The following PRELID2 variants were observed in gnomAD, a reference collection of about 807,000 sequenced individuals.
The protein encoded by PRELID2 is PRELI domain containing 2.
Under a neutral mutation model 28.4 loss-of-function variants are expected in PRELID2, and 25 were observed. That is an observed-to-expected ratio of 0.88 (90% CI 0.64 to 1.23). The LOEUF (loss-of-function observed/expected upper bound fraction) is 1.23, where lower values mean the gene tolerates loss of function less well. Ranked by LOEUF, PRELID2 falls within the 50% of genes most tolerant of loss-of-function variation. The pLI is 0.00. For synonymous variants in PRELID2, 76 were observed against 71.6 expected (o/e 1.06, Z -0.31); for missense variants, 201 against 214.4 (o/e 0.94, Z 0.39).
chr5:145,814,208 T>C (rs2569010), intron 4 of PRELID2, among the ~76,000 whole-genome samples: 111,058 of 152,112 alleles, frequency 0.73, 41,124 homozygotes, highest in Non-Finnish European at 0.81. Context: ...TGTCATTTTA[T>C]ATATCACAGA....
At chr5:145,794,610 C>T (rs2149814905) in intron 5 of PRELID2, among the ~76,000 whole-genome samples, 1 of 152,200 alleles carries the variant, frequency 6.6e-6, no homozygotes, top group East Asian at 1.9e-4. Context: ...AAAGCAGGTA[C>T]TCAATATATA....
chr5:145,635,538 T>A (rs1753988500), intron 1 of PRELID2, among the ~76,000 whole-genome samples: 1 of 152,336 alleles, frequency 6.6e-6, no homozygotes, highest in African/African-American at 2.4e-5. Context: ...GAAACTGAAA[T>A]TTAATTTATG....
chr5:145,414,758 C>T, the PRELID2 span, among the ~76,000 whole-genome samples: 1 of 152,134 alleles, frequency 6.6e-6, no homozygotes, highest in Non-Finnish European at 1.5e-5. Context: ...ATTTCAACCA[C>T]CATATAAGTA....
chr5:145,463,289 G>A, the PRELID2 span, among the ~76,000 whole-genome samples: 1 of 146,090 alleles, frequency 6.8e-6, no homozygotes, highest in African/African-American at 2.5e-5. Context: ...TCTTTTTTAA[G>A]TTTCAAAAGG....
intron 1 of PRELID2, among the ~76,000 whole-genome samples, chr5:145,659,159 G>A (rs1000457767): frequency 6.6e-6 from 1 of 152,116 alleles, no homozygotes; most frequent in African/African-American, 2.4e-5. Context: ...CAGCAAGCTG[G>A]TGCCCATCTC....
chr5:145,796,486 A>T lies in PRELID2; in HGVS notation c.430T>A (p.Leu144Ile). The change falls in exon 5 of 7, where the codon TTA becomes ATA. Residue 144 changes from leucine (L) to isoleucine (I), a missense_variant. Transcript: ENST00000683046. ...ITGVGFLNCV[L>I]ETFASTFLRQ... ...AAGAATGTGCTGGCAAAAGTTTCTA[A>T]AACACAGTTGAGAAATCCAACCCCT... 6.2e-7 allele frequency: 1 copy of T among 1,610,962 alleles called. No homozygotes were observed. The highest frequency in any genetic ancestry group is 8.5e-7 in the Non-Finnish European group (1 of 1,178,094).
chr5:145,638,129 T>G, intron 1 of PRELID2, among the ~76,000 whole-genome samples: 1 of 152,130 alleles, frequency 6.6e-6, no homozygotes, highest in East Asian at 1.9e-4. Flanking sequence ...TTAATATACT[T>G]CACAACTGTC....
chr5:145,639,688 G>C (rs1754064433), intron 1 of PRELID2, among the ~76,000 whole-genome samples: 1 of 152,192 alleles, frequency 6.6e-6, no homozygotes, highest in African/African-American at 2.4e-5. Context: ...TGTTGGGAAA[G>C]TGCGTTGGGT....
chr5:145,678,347 C>T (rs1043947421), intron 1 of PRELID2, among the ~76,000 whole-genome samples: 1 of 152,186 alleles, frequency 6.6e-6, no homozygotes, highest in African/African-American at 2.4e-5. Context: ...TCTTTCCCTC[C>T]TACAAACATC....
At chr5:145,811,480 G>T (rs1397828418) in intron 4 of PRELID2, among the ~76,000 whole-genome samples, 1 of 152,158 alleles carries the variant, frequency 6.6e-6, no homozygotes, top group African/African-American at 2.4e-5. Flanking sequence ...TAGAGACAAA[G>T]TCTTGGTATG....
the PRELID2 span, among the ~76,000 whole-genome samples, chr5:145,447,086 A>AAATAAATAAAT: frequency 2.8e-3 from 193 of 69,572 alleles, no homozygotes; most frequent in Middle Eastern, 7.7e-3. Flanking sequence ...AATAAATAAA[A>AAATAAATAAAT]ATTTAAAAAT....
chr5:145,403,229 T>G, the PRELID2 span, among the ~76,000 whole-genome samples: 1 of 152,112 alleles, frequency 6.6e-6, no homozygotes, highest in Non-Finnish European at 1.5e-5. Flanking sequence ...AGCCCATAGC[T>G]TTGAAAGTAG....
At chr5:145,583,958 C>A (rs1251955917) in intron 1 of PRELID2, among the ~76,000 whole-genome samples, 2 of 151,994 alleles carry the variant, frequency 1.3e-5, no homozygotes, top group South Asian at 2.1e-4. Flanking sequence ...CATCTGGAAC[C>A]AAAAAAGACC....
At chr5:145,806,527 G>A (rs775507636) in intron 4 of PRELID2, among the ~76,000 whole-genome samples, 1 of 152,108 alleles carries the variant, frequency 6.6e-6, no homozygotes, top group Non-Finnish European at 1.5e-5. Flanking sequence ...CTGTTTAACA[G>A]TTAACTTTTT....
chr5:145,739,504 C>T (rs925896436), intron 1 of PRELID2, among the ~76,000 whole-genome samples: 6 of 150,838 alleles, frequency 4.0e-5, no homozygotes, highest in African/African-American at 9.8e-5. Flanking sequence ...GACTCCACCT[C>T]GAAAAACAAA....
At chr5:145,598,233 A>G (rs1393050775) in intron 1 of PRELID2, among the ~76,000 whole-genome samples, 1 of 152,174 alleles carries the variant, frequency 6.6e-6, no homozygotes, top group Non-Finnish European at 1.5e-5. Context: ...AGTACCAGTG[A>G]AGTCGAAGTT....
the PRELID2 span, among the ~76,000 whole-genome samples, chr5:145,334,516 T>A: frequency 4.6e-5 from 7 of 152,210 alleles, no homozygotes; most frequent in African/African-American, 1.4e-4. Flanking sequence ...CCTTACAATA[T>A]CATTACAGGA....
rs755836307 is a variant in PRELID2 at position 145,820,116 on chromosome 5, GTTTTTTGT to G, written c.134-106_134-99del. On this transcript the variant is annotated intron_variant, in intron 2 of 6. Coordinates refer to ENST00000683046, the MANE Select transcript of PRELID2 (RefSeq NM_205846.3). Reference sequence around the variant, plus strand: ...CGGGGGTGGGGTTTTTTTGTTTTTTGTTTTTTGTTTTTTTTTTTTGAGACACCCAGGCT... The same window carrying G: ...CGGGGGTGGGGTTTTTTTGTTTTTTGTTTTTTTTTTTGAGACACCCAGGCT... 31 of 540,706 alleles carry G rather than the reference GTTTTTTGT, an allele frequency of 5.7e-5. No homozygotes were observed. The African/African-American group carries it at 7.7e-4, about 13-fold the overall frequency. 33.5% of individuals were successfully genotyped at this position (540,706 alleles called of 1,614,324 possible).
intron 1 of PRELID2, among the ~76,000 whole-genome samples, chr5:145,724,570 G>T: frequency 1.1e-5 from 1 of 91,574 alleles, no homozygotes; most frequent in African/African-American, 3.6e-5. Context: ...ATGTTTTTAG[G>T]GAAAACACTG....
Sources: allele counts gnomAD v4.1 joint callset (sites outside exome capture counted in the v4.1 genomes callset), GRCh38; gene constraint gnomAD v4.1.1; transcripts MANE v1.5; gene names NCBI Gene and HGNC (gene_info 2026-07-23, HGNC 2026-07-21).